Variants in ATG2B observed in about 807,000 individuals in gnomAD.
ATG2B encodes autophagy-related protein 2 homolog B.
In ATG2B, 121 loss-of-function variants were observed where a neutral mutation model predicts 241.3. The observed-to-expected ratio is 0.50, with a 90% confidence interval of 0.43 to 0.58. The LOEUF is 0.58. ATG2B is among the 20% of genes least tolerant of loss of function. The pLI, the probability that ATG2B is intolerant of heterozygous loss-of-function variation, is 0.00. For synonymous variants in ATG2B, 858 were observed against 876.6 expected (o/e 0.98, Z 0.37); for missense variants, 2,306 against 2,491.6 (o/e 0.93, Z 1.59).
At chr14:96,327,796 T>C (rs914880492) in intron 14 of ATG2B, among the ~76,000 whole-genome samples, 1 of 152,162 alleles carries the variant, frequency 6.6e-6, no homozygotes, top group African/African-American at 2.4e-5. Flanking sequence ...CTTCTTCATG[T>C]TGTTATACCA....
At chr14:96,311,013 A>T in intron 28 of ATG2B, 104 bp downstream of exon 28, 1 of 1,049,318 alleles carries the variant, frequency 9.5e-7, no homozygotes, top group Non-Finnish European at 1.3e-6. Context: ...CAGATGAATG[A>T]CTTTCAAAGT....
At position 96,285,836 on chromosome 14, in the gene ATG2B, G is replaced by A. The variant is rs756755756; in HGVS notation, c.6156C>T (p.Asn2052=). The A allele has an allele frequency of 1.6e-5, 26 of 1,614,010 alleles. No homozygotes were observed. In the East Asian group the frequency reaches 3.6e-4, roughly 22 times the overall value. The change falls in exon 42 of 42, where the codon AAC becomes AAT. Residue 2052 remains asparagine, a synonymous_variant. Coordinates refer to ENST00000359933, the MANE Select transcript of ATG2B (RefSeq NM_018036.7). This position sits in a 1 kb window ranked among gnomAD's most constrained non-coding sequence, Gnocchi z 4.2. The part of the protein sequence containing the change: ...PLIVATEATS[N]VLGGMRNQIR... Reference sequence around the variant, plus strand: ...TTTGGTTTCTCATGCCACCCAGCACGTTTGACGTTGCTTCTGTGGCAACAA... The same window carrying A: ...TTTGGTTTCTCATGCCACCCAGCACATTTGACGTTGCTTCTGTGGCAACAA...
chr14:96,307,039 T>A, intron 29 of ATG2B, 123 bp from the exon 30 acceptor site: 1 of 843,710 alleles, frequency 1.2e-6, no homozygotes. Flanking sequence ...TTTCCTAAAA[T>A]AAGTCTATGA....
In ATG2B at chr14:96,332,621, G is replaced by T; in HGVS notation, c.1242C>A (p.Asp414Glu). 1 of 1,590,998 alleles carries T rather than the reference G, an allele frequency of 6.3e-7. No homozygotes were observed. Residue 414 changes from aspartate to glutamate, a missense_variant, in exon 9 of 42, where the codon GAC (aspartate) becomes GAA (glutamate). Around this residue, in one of 2 missense-constraint regions of ATG2B, gnomAD observed 1,927 missense variants for 2,011.2 expected, o/e 0.96. Coordinates refer to ENST00000359933, the MANE Select transcript of ATG2B (RefSeq NM_018036.7). The part of the protein sequence containing the change: ...EEVFFSMADM[D>E]MSHSLSSLPP... ...GAAGAGAAGAGAGACTATGAGACATGTCCATATCAGCCATGGAGAAGAATA... is the reference window on the plus strand; with the variant it reads ...GAAGAGAAGAGAGACTATGAGACATTTCCATATCAGCCATGGAGAAGAATA...
intron 41 of ATG2B, among the ~76,000 whole-genome samples, chr14:96,288,246 T>C (rs1288430105): frequency 1.3e-5 from 2 of 152,224 alleles, no homozygotes; most frequent in Non-Finnish European, 2.9e-5. Context: ...TTTCCTCATC[T>C]GTAAATTAGA....
chr14:96,339,687 T>C (rs184066673), intron 6 of ATG2B, among the ~76,000 whole-genome samples: 19 of 151,864 alleles, frequency 1.3e-4, no homozygotes, highest in Admixed American at 1.2e-3. Context: ...ATGCAAAACA[T>C]ACAGAGGTAT....
chr14:96,340,755 A>G (rs1888010926), intron 6 of ATG2B, among the ~76,000 whole-genome samples: 1 of 151,852 alleles, frequency 6.6e-6, no homozygotes, highest in Non-Finnish European at 1.5e-5. Flanking sequence ...TCTACAAAAA[A>G]CATAATACAA....
intron 36 of ATG2B, among the ~76,000 whole-genome samples, chr14:96,294,614 A>G (rs1354905314): frequency 6.6e-6 from 1 of 152,218 alleles, no homozygotes; most frequent in African/African-American, 2.4e-5. Context: ...GTTGAGATAC[A>G]TAAAGGAAAA....
Position 96,304,454 on chromosome 14 carries a change from T to C in ATG2B, c.4842+41A>G, listed in dbSNP as rs145891902. 6.7e-6 allele frequency: 10 copies of C among 1,484,850 alleles called. No individual in the cohort carries two copies. The African/African-American group carries it at 1.1e-4, about 16-fold the overall frequency. 92.0% of individuals were successfully genotyped at this position (1,484,850 alleles called of 1,614,324 possible). A position where few individuals can be genotyped will look rare whatever the true frequency, so the allele number is the denominator to read the frequency against. ...GGATAACAAAAGAACCCCCCGCCAATATCCTACTTAAGTGGATTTTTCCTT... is the reference window on the plus strand; with the variant it reads ...GGATAACAAAAGAACCCCCCGCCAACATCCTACTTAAGTGGATTTTTCCTT... On this transcript the variant is annotated intron_variant, in intron 32 of 41. Transcript: ENST00000359933.
chr14:96,315,652 G>A (rs1044937388), intron 21 of ATG2B, 69 bp from the exon 22 acceptor site: 1 of 1,269,046 alleles, frequency 7.9e-7, no homozygotes, highest in South Asian at 1.3e-5. Context: ...CAACTTACAT[G>A]ACTCAAAACA....
chr14:96,315,633 T>A, intron 21 of ATG2B, 50 bp from the exon 22 acceptor site: 1 of 1,456,410 alleles, frequency 6.9e-7, no homozygotes, highest in Non-Finnish European at 9.6e-7. Flanking sequence ...TTACTTGAAA[T>A]TAGCTAATCA....
chr14:96,334,135 G>T (rs375714044), intron 7 of ATG2B, among the ~76,000 whole-genome samples: 1 of 152,068 alleles, frequency 6.6e-6, no homozygotes, highest in Non-Finnish European at 1.5e-5. Context: ...ATACTTTCTC[G>T]ATTGTATGAA....
chr14:96,333,992 C>T (rs1887807821), intron 7 of ATG2B, 119 bp from the exon 8 acceptor site: 6 of 822,034 alleles, frequency 7.3e-6, no homozygotes, highest in Non-Finnish European at 1.2e-5. Flanking sequence ...TGCAAAACCA[C>T]TGCTATTTAG....
At chr14:96,313,489 TATA>T (rs1887219879) in intron 23 of ATG2B, 54 bp from the exon 24 acceptor site, 2 of 920,248 alleles carry the variant, frequency 2.2e-6, no homozygotes, top group African/African-American at 3.4e-5. Flanking sequence ...AAAGGTTTCA[TATA>T]ATATCCTTAA....
intron 18 of ATG2B, 97 bp from the exon 19 acceptor site, chr14:96,317,952 AT>A: frequency 1.1e-6 from 1 of 937,498 alleles, no homozygotes; most frequent in African/African-American, 1.7e-5. Context: ...ATGAACAATA[AT>A]TTTTTAAACG....
chr14:96,355,064 A>G (rs1315355185), intron 1 of ATG2B, among the ~76,000 whole-genome samples: 1 of 152,180 alleles, frequency 6.6e-6, no homozygotes, highest in Non-Finnish European at 1.5e-5. Context: ...GATAGCTTGC[A>G]AAAATTTTCT....
intron 1 of ATG2B, among the ~76,000 whole-genome samples, chr14:96,349,761 AT>A (rs901586334): frequency 2.0e-5 from 3 of 152,304 alleles, no homozygotes; most frequent in Non-Finnish European, 4.4e-5. Context: ...CAAAGTACAC[AT>A]TTAAGGAGAC....
Position 96,343,224 on chromosome 14 carries a change from G to A in ATG2B, c.639C>T (p.Pro213=), listed in dbSNP as rs571011743. The A allele has an allele frequency of 1.3e-4, 214 of 1,611,938 alleles. 2 individuals carry two copies. In the South Asian group the frequency reaches 2.2e-3, roughly 17 times the overall value. The change falls in exon 5 of 42, where the codon CCC becomes CCT. Residue 213 remains proline (P), a synonymous_variant. Coordinates refer to ENST00000359933, the MANE Select transcript of ATG2B (RefSeq NM_018036.7). ...DESSGINVHQ[P]TAFAHKLLQL... ...GAAGTAACTTGTGAGCAAAAGCAGT[G>A]GGTTGATGCACATTAATTCCTGAGG...
intron 5 of ATG2B, 32 bp downstream of exon 5, chr14:96,343,087 A>G: frequency 6.8e-7 from 1 of 1,478,694 alleles, no homozygotes; most frequent in South Asian, 1.4e-5. Flanking sequence ...AAAATCTATG[A>G]TTATGGTTTT....
Sources: gnomAD v4.1 joint callset for allele counts (sites outside exome capture counted in the v4.1 genomes callset) on GRCh38, gnomAD v4.1.1 for gene constraint, gnomAD v4.1.1 regional missense constraint, Gnocchi (gnomAD v3.1) non-coding constraint, MANE v1.5 for transcripts, NCBI Gene and HGNC (gene_info 2026-07-23, HGNC 2026-07-21) for gene names.